Variants in COL21A1 observed in about 807,000 individuals in gnomAD.
COL21A1 encodes the protein collagen type XXI alpha 1 chain, also known as collagen alpha-1(XXI) chain.
Under a neutral mutation model 137.9 loss-of-function variants are expected in COL21A1, and 149 were observed. The ratio of observed to expected loss-of-function variants is 1.08; its 90% confidence interval spans 0.95 to 1.24. COL21A1 has a LOEUF of 1.24. Among genes scored for constraint, COL21A1 ranks in the 50% most tolerant of loss-of-function variants. The pLI is 0.00. For synonymous variants in COL21A1, 456 were observed against 391.5 expected (o/e 1.16, Z -1.95); for missense variants, 1,167 against 1,158.4 (o/e 1.01, Z -0.11).
chr6:56,061,203 T>G (rs531526313), intron 25 of COL21A1, 166 bp from the exon 26 acceptor site: 3 of 625,386 alleles, frequency 4.8e-6, no homozygotes, highest in Admixed American at 7.2e-5. Flanking sequence ...GGAAATTTCA[T>G]GTCATATTAA....
At chr6:56,158,570 T>C (rs1198215486) in intron 9 of COL21A1, among the ~76,000 whole-genome samples, 2 of 152,030 alleles carry the variant, frequency 1.3e-5, no homozygotes, top group Non-Finnish European at 2.9e-5. Context: ...CTGAGCCTGA[T>C]CTCTTTACTA....
chr6:56,312,176 T>C (rs538649126), intron 1 of COL21A1, among the ~76,000 whole-genome samples: 1 of 152,336 alleles, frequency 6.6e-6, no homozygotes, highest in African/African-American at 2.4e-5. Flanking sequence ...ACCAGTCACA[T>C]CTGATCTTAA....
chr6:56,068,890 A>AT, intron 22 of COL21A1, 156 bp downstream of exon 22: 1 of 572,008 alleles, frequency 1.7e-6, no homozygotes, highest in Non-Finnish European at 3.1e-6. Context: ...AGCTATTAGC[A>AT]TGGGGCTGAA....
chr6:56,125,183 G>A (rs1482857170), intron 14 of COL21A1, among the ~76,000 whole-genome samples: 1 of 151,048 alleles, frequency 6.6e-6, no homozygotes, highest in African/African-American at 2.4e-5. Flanking sequence ...ACCACGCCCA[G>A]CTACTTTTTG....
chr6:56,296,477 TATA>T (rs1764166556), intron 1 of COL21A1, among the ~76,000 whole-genome samples: 1 of 151,990 alleles, frequency 6.6e-6, no homozygotes, highest in Admixed American at 6.6e-5. Context: ...ACCTCATATC[TATA>T]ATGATACGTT....
intron 1 of COL21A1, among the ~76,000 whole-genome samples, chr6:56,372,624 G>T (rs1245927323): frequency 6.6e-6 from 1 of 152,200 alleles, no homozygotes; most frequent in Non-Finnish European, 1.5e-5. Flanking sequence ...GCCAAAAAGG[G>T]AATTTATCAG....
At chr6:56,110,255 CTTT>C (rs35299623) in intron 16 of COL21A1, among the ~76,000 whole-genome samples, 20,372 of 122,114 alleles carry the variant, frequency 0.17, 1,301 homozygotes, top group Middle Eastern at 0.26. Flanking sequence ...GCAGAAAAAG[CTTT>C]TTTTTTTTTT....
intron 1 of COL21A1, among the ~76,000 whole-genome samples, chr6:56,223,709 C>G (rs901990361): frequency 2.6e-5 from 4 of 152,038 alleles, no homozygotes; most frequent in African/African-American, 9.7e-5. Context: ...TCATGGTAAA[C>G]TACCTTTAAA....
In COL21A1 at chr6:56,115,068, G is replaced by A. The variant is rs1317982464; in HGVS notation, c.1758+8994C>T. On this transcript the variant is annotated intron_variant, in intron 16 of 29. Coordinates refer to ENST00000244728, the MANE Select transcript of COL21A1 (RefSeq NM_030820.4). ...TCGCAAGAACAAAAAACCAAACACC[G>A]CATATTCTCACTCATAGGTGGGAAT... Among the ~76,000 whole-genome samples the A allele has an allele frequency of 1.7e-4, 26 of 150,626 alleles. 1 individual carries two copies. The highest frequency in any genetic ancestry group is 3.9e-4 in the East Asian group (2 of 5,128).
At chr6:56,289,737 T>A (rs1204193746) in intron 1 of COL21A1, among the ~76,000 whole-genome samples, 1 of 152,210 alleles carries the variant, frequency 6.6e-6, no homozygotes, top group African/African-American at 2.4e-5. Flanking sequence ...TCTTAGCCCC[T>A]GGCCCCTTTC....
intron 16 of COL21A1, among the ~76,000 whole-genome samples, chr6:56,104,499 C>G (rs1770708465): frequency 6.6e-6 from 1 of 152,008 alleles, no homozygotes; most frequent in Non-Finnish European, 1.5e-5. Flanking sequence ...AAGATACAAC[C>G]AGCCTGTGAA....
intron 1 of COL21A1, among the ~76,000 whole-genome samples, chr6:56,388,520 T>A (rs1231526441): frequency 1.3e-5 from 2 of 152,236 alleles, no homozygotes; most frequent in African/African-American, 2.4e-5. Context: ...GTTGTGCCTC[T>A]AGGAGTTGGC....
intron 22 of COL21A1, 139 bp from the exon 23 acceptor site, chr6:56,067,469 C>CTGGCCGGGCGCGGTGGCTCACGCCTG: frequency 1.7e-6 from 1 of 585,042 alleles, no homozygotes; most frequent in Non-Finnish European, 3.0e-6. Context: ...AAGTTGACTC[C>CTGGCCGGGCGCGGTGGCTCACGCCTG]TAACACAATA....
Position 56,130,928 on chromosome 6 carries a change from A to T in COL21A1, c.1543-4779T>A, listed in dbSNP as rs185182344. ...TTAACAGCAATGGATAGCAAAGAAG[A>T]GATAAAGTTGGGCCAAAGCCTATCC... is the stretch of plus-strand genomic sequence containing the variant. On this transcript the variant is annotated intron_variant, in intron 12 of 29. Transcript: ENST00000244728. Among the ~76,000 whole-genome samples the T allele has an allele frequency of 4.6e-5, 7 of 152,296 alleles. No homozygotes were observed. In the East Asian group the frequency reaches 1.2e-3, roughly 25 times the overall value.
chr6:56,071,493 T>C (rs1291347277), intron 20 of COL21A1, among the ~76,000 whole-genome samples: 1 of 151,558 alleles, frequency 6.6e-6, no homozygotes, highest in Non-Finnish European at 1.5e-5. Flanking sequence ...CAAAAGCCCA[T>C]AATTAAGCAG....
Position 56,068,179 on chromosome 6 carries a change from C to T in COL21A1, c.2092-849G>A, listed in dbSNP as rs138963758. Among the ~76,000 whole-genome samples, 774 of 151,544 alleles carry T rather than the reference C, an allele frequency of 5.1e-3. 5 individuals are homozygous for T. The highest frequency in any genetic ancestry group is 0.016 in the African/African-American group (680 of 41,410). On this transcript the variant is annotated intron_variant, in intron 22 of 29. Coordinates refer to ENST00000244728, the MANE Select transcript of COL21A1 (RefSeq NM_030820.4). The stretch of plus-strand genomic sequence containing the variant: ...TCAGCTAGTGCTGCCTACTGATCAT[C>T]AGAACAAAAAGCCCAAGGATCATAC...
At chr6:56,295,520 G>C (rs970186933) in intron 1 of COL21A1, among the ~76,000 whole-genome samples, 5 of 151,948 alleles carry the variant, frequency 3.3e-5, no homozygotes, top group African/African-American at 4.8e-5. Context: ...TGAATCCATA[G>C]ATGAAGTTAG....
intron 1 of COL21A1, among the ~76,000 whole-genome samples, chr6:56,254,937 T>C (rs2152329708): frequency 6.6e-6 from 1 of 152,350 alleles, no homozygotes; most frequent in South Asian, 2.1e-4. Flanking sequence ...AGATTTTTTT[T>C]TCTGTCATGA....
At chr6:56,065,321 C>G (rs1048248794) in intron 23 of COL21A1, among the ~76,000 whole-genome samples, 10 of 151,980 alleles carry the variant, frequency 6.6e-5, no homozygotes, top group African/African-American at 2.2e-4. Context: ...TCACCCTTGC[C>G]TAGTAATGAA....
Sources: allele counts gnomAD v4.1 joint callset (sites outside exome capture counted in the v4.1 genomes callset), GRCh38; gene constraint gnomAD v4.1.1; transcripts MANE v1.5; gene names NCBI Gene and HGNC (gene_info 2026-07-23, HGNC 2026-07-21).